Variants in FRYL observed in about 807,000 individuals in gnomAD.
FRYL encodes protein furry homolog-like.
In FRYL, 150 loss-of-function variants were observed where a neutral mutation model predicts 351.2. The observed-to-expected ratio is 0.43, with a 90% CI of 0.37 to 0.49. The LOEUF (loss-of-function observed/expected upper bound fraction) is 0.49. Among genes scored for constraint, FRYL ranks in the 20% least tolerant of loss-of-function variants. The probability of loss-of-function intolerance (pLI) is 0.00; values close to 1 mark genes in which losing one functional copy is unlikely to be tolerated. For missense variants in FRYL, 3,036 were observed against 3,619.3 expected (o/e 0.84, Z 4.13); for synonymous variants, 1,153 against 1,257.1 (o/e 0.92, Z 1.75).
At chr4:48,670,236 T>A (rs551620477) in intron 3 of FRYL, among the ~76,000 whole-genome samples, 4 of 151,876 alleles carry the variant, frequency 2.6e-5, no homozygotes, top group African/African-American at 9.7e-5. Flanking sequence ...GAGTTTGAGA[T>A]CAGTCTGGCC....
intron 47 of FRYL, among the ~76,000 whole-genome samples, chr4:48,536,310 A>G (rs1327038215): frequency 6.6e-6 from 1 of 152,166 alleles, no homozygotes. Context: ...CAGCCTCAAC[A>G]TGTGTGACAG....
intron 1 of FRYL, among the ~76,000 whole-genome samples, chr4:48,726,654 T>C (rs1160141972): frequency 6.6e-6 from 1 of 152,070 alleles, no homozygotes; most frequent in Non-Finnish European, 1.5e-5. Context: ...AGCACTCCAG[T>C]CTGGGCGACA....
chr4:48,709,256 A>ATATTATCTGG (rs1767751634), intron 2 of FRYL, among the ~76,000 whole-genome samples: 1 of 152,174 alleles, frequency 6.6e-6, no homozygotes, highest in Non-Finnish European at 1.5e-5. Flanking sequence ...TCCCAGAATT[A>ATATTATCTGG]GAATCACTGA....
rs559392944 is a variant in FRYL, at chr4:48,750,012, T to C, written c.-384+30066A>G. 2.0e-5 allele frequency among the ~76,000 whole-genome samples: 3 copies of C among 151,860 alleles called. No homozygotes were observed. The East Asian group carries it at 5.8e-4, about 29-fold the overall frequency. ...AGCCAGGCATGGTAGTATGAACCTA[T>C]AATCCCAGCTACTCAGGAGGCTGAG... On this transcript the variant is annotated intron_variant, in intron 1 of 63. Transcript: ENST00000358350.
intron 1 of FRYL, among the ~76,000 whole-genome samples, chr4:48,721,546 T>C (rs190961273): frequency 6.6e-6 from 1 of 151,960 alleles, no homozygotes; most frequent in Non-Finnish European, 1.5e-5. Flanking sequence ...ATTACACTAG[T>C]GGAAGGGTCA....
chr4:48,590,906 C>T (rs915857901), intron 16 of FRYL, 76 bp from the exon 17 acceptor site: 4 of 1,121,844 alleles, frequency 3.6e-6, no homozygotes, highest in Non-Finnish European at 5.1e-6. Flanking sequence ...AATATTTCAT[C>T]AGTAACATCA....
At position 48,709,966 on chromosome 4, in the gene FRYL, C is replaced by A. The variant is rs555927497; in HGVS notation, c.-204+553G>T. 2.8e-4 allele frequency among the ~76,000 whole-genome samples: 43 copies of A among 152,274 alleles called. No homozygotes were observed. The South Asian group carries it at 8.7e-3, about 31-fold the overall frequency. On this transcript the variant is annotated intron_variant, in intron 2 of 63. Transcript: ENST00000358350. ...ATTTTCTTTTAAAGGTCTCCCATTT[C>A]TGCTCAATTTTACTCTTCCCTCACT...
chr4:48,603,429 G>T, intron 11 of FRYL, 41 bp from the exon 12 acceptor site: 2 of 1,241,904 alleles, frequency 1.6e-6, no homozygotes, highest in Non-Finnish European at 2.3e-6. Context: ...TGATACAGAT[G>T]TTAGATTAAA....
intron 3 of FRYL, among the ~76,000 whole-genome samples, chr4:48,655,942 C>T (rs559919612): frequency 2.3e-4 from 32 of 136,496 alleles, no homozygotes; most frequent in African/African-American, 4.0e-4. Context: ...ACATTATATG[C>T]GTAATTATAT....
chr4:48,712,522 A>T (rs957619300), intron 1 of FRYL, among the ~76,000 whole-genome samples: 30 of 152,350 alleles, frequency 2.0e-4, no homozygotes, highest in African/African-American at 6.7e-4. Flanking sequence ...TAGAGAAAAA[A>T]GAATAAAAAG....
chr4:48,686,636 C>T (rs1302087071), intron 2 of FRYL, among the ~76,000 whole-genome samples: 1 of 152,192 alleles, frequency 6.6e-6, no homozygotes, highest in African/African-American at 2.4e-5. Context: ...AAACCAGTCA[C>T]TACTGGAAAA....
rs547580698 is a variant in FRYL, at chr4:48,602,702, T to C, written c.934-581A>G. Among the ~76,000 whole-genome samples, 3 of 152,290 alleles carry C rather than the reference T, an allele frequency of 2.0e-5. No homozygotes were observed. In the South Asian group the frequency reaches 6.2e-4, roughly 32 times the overall value. On this transcript the variant is annotated intron_variant, in intron 12 of 63. Coordinates refer to ENST00000358350, the MANE Select transcript of FRYL (RefSeq NM_015030.2). ...CTTTCTCCAAGCTACGTAAAAGTTA[T>C]GTGAAATAGACAGGTAGAAAAAAAT...
intron 2 of FRYL, among the ~76,000 whole-genome samples, chr4:48,693,298 CTTT>C (rs992474527): frequency 1.3e-5 from 2 of 152,158 alleles, no homozygotes; most frequent in African/African-American, 2.4e-5. Flanking sequence ...TAAGATTCTT[CTTT>C]ATCTATCTAA....
At chr4:48,747,517 A>T (rs1772816620) in intron 1 of FRYL, among the ~76,000 whole-genome samples, 1 of 152,228 alleles carries the variant, frequency 6.6e-6, no homozygotes, top group Non-Finnish European at 1.5e-5. Flanking sequence ...CTATTTCTTG[A>T]TACATCAGCA....
At chr4:48,510,685 T>C (rs73246029) in intron 58 of FRYL, 150 bp downstream of exon 58, 125,575 of 666,272 alleles carry the variant, frequency 0.19, 14,154 homozygotes, top group Middle Eastern at 0.26. Context: ...GCACCTAATA[T>C]ACTAGAATTG....
intron 1 of FRYL, among the ~76,000 whole-genome samples, chr4:48,752,925 A>C (rs142634914): frequency 6.6e-6 from 1 of 152,286 alleles, no homozygotes; most frequent in East Asian, 1.9e-4. Context: ...AAGGCCAGGG[A>C]AATCAGGTGG....
chr4:48,686,791 T>C (rs1159273264), intron 2 of FRYL, among the ~76,000 whole-genome samples: 1 of 152,240 alleles, frequency 6.6e-6, no homozygotes, highest in Non-Finnish European at 1.5e-5. Flanking sequence ...TATGTGTTTA[T>C]TCTTCTTGTA....
At position 48,528,236 on chromosome 4, in the gene FRYL, G is replaced by A; in HGVS notation, c.7004C>T (p.Ser2335Phe). Residue 2335 changes from serine (S) to phenylalanine (F), a missense_variant, in exon 51 of 64, where the codon TCT (serine) becomes TTT (phenylalanine). This residue lies in a region of FRYL where 1,987 missense variants were observed against 2,311.7 expected (regional missense o/e 0.86). Transcript: ENST00000358350. ...IAVTRSTSST[S>F]SGSNSNALVP... ...CAAGGCATTAGAATTAGAACCAGAA[G>A]AAGTTGAGGAAGTACTTCTAGTGAC... 6.2e-7 allele frequency: 1 copy of A among 1,613,352 alleles called. No homozygotes were observed. Among genetic ancestry groups the A allele is most frequent in the Non-Finnish European group, 8.5e-7 (1 of 1,179,482 alleles).
Position 48,620,674 on chromosome 4 carries a change from A to AT in FRYL, c.278dup (p.Tyr93Ter). 6.2e-7 allele frequency: 1 copy of AT among 1,613,954 alleles called. No homozygotes were observed. Among genetic ancestry groups the AT allele is most frequent in the Non-Finnish European group, 8.5e-7 (1 of 1,179,854 alleles). Residue 93 changes from tyrosine (Y) to a stop codon, truncating the protein, a stop_gained and frameshift_variant, in exon 6 of 64, where the codon TAT becomes TAAT. Coordinates refer to ENST00000358350, the MANE Select transcript of FRYL (RefSeq NM_015030.2). LOFTEE classifies it high-confidence loss of function. ...RRQNGTEDES[Y>*]EYRPRSSTKS... ...TTGTGCTAGACCGAGGCCTATATTC[A>AT]TAAGATTCATCTTCCGTTCCATTTT...
Sources: gnomAD v4.1 joint callset for allele counts (sites outside exome capture counted in the v4.1 genomes callset) on GRCh38, gnomAD v4.1.1 for gene constraint, gnomAD v4.1.1 regional missense constraint, MANE v1.5 for transcripts, NCBI Gene and HGNC (gene_info 2026-07-23, HGNC 2026-07-21) for gene names.